Variants in PRKN observed in about 807,000 individuals in gnomAD.
The protein encoded by PRKN is parkin RBR E3 ubiquitin protein ligase, also known as E3 ubiquitin-protein ligase parkin.
A neutral mutation model predicts 59.5 loss-of-function variants in PRKN; 56 were observed. The ratio of observed to expected loss-of-function variants is 0.94; its 90% CI spans 0.76 to 1.18. The LOEUF is 1.18. Among genes scored for constraint, PRKN ranks in the 50% most tolerant of loss-of-function variants. The pLI, the probability that PRKN is intolerant of heterozygous loss-of-function variation, is 0.00. For synonymous variants in PRKN, 250 were observed against 222.1 expected (o/e 1.13, Z -1.12); for missense variants, 657 against 596.4 (o/e 1.10, Z -1.06).
At chr6:161,843,524 G>A (rs1254953073) in intron 6 of PRKN, among the ~76,000 whole-genome samples, 2 of 152,136 alleles carry the variant, frequency 1.3e-5, no homozygotes, top group South Asian at 2.1e-4. Context: ...AGTGGCTCAC[G>A]CCTATAATCC....
intron 6 of PRKN, among the ~76,000 whole-genome samples, chr6:161,813,034 G>A (rs957220571): frequency 2.0e-5 from 3 of 152,328 alleles, no homozygotes; most frequent in Middle Eastern, 3.4e-3. Context: ...TTTTCAGGCA[G>A]GAAGTAACAA....
chr6:161,884,984 A>G (rs1795078527), intron 6 of PRKN, among the ~76,000 whole-genome samples: 1 of 151,990 alleles, frequency 6.6e-6, no homozygotes, highest in African/African-American at 2.4e-5. Flanking sequence ...TACAAAAAAA[A>G]AAAAAATGCT....
Position 161,473,349 on chromosome 6 carries a change from T to C in PRKN, c.1083+75505A>G. Among the ~76,000 whole-genome samples the C allele has an allele frequency of 6.7e-6, 1 of 150,230 alleles. No individual in the cohort carries two copies. Among genetic ancestry groups the C allele is most frequent in the Non-Finnish European group, 1.5e-5 (1 of 67,596 alleles). Reference sequence around the variant, plus strand: ...ATATATATAGATACCTATATATCCATAAATTTATTTATATACATATATATA... The same window carrying C: ...ATATATATAGATACCTATATATCCACAAATTTATTTATATACATATATATA... On this transcript the variant is annotated intron_variant, in intron 9 of 11. Transcript: ENST00000366898. This position sits in a 1 kb window ranked among gnomAD's most constrained non-coding sequence, Gnocchi z 4.1.
rs757232403 is a variant in PRKN, at chr6:161,361,602, C to T, written c.1168-1397G>A. ...ATGGGCAGGGCACATGGGTGGTATC[C>T]CTGACAGTGGTGGGGGCACCACAGA... On this transcript the variant is annotated intron_variant, in intron 10 of 11. Coordinates refer to ENST00000366898, the MANE Select transcript of PRKN (RefSeq NM_004562.3). The surrounding 1 kb of genome is among the most constrained non-coding windows in gnomAD (Gnocchi z 5.2). 1.3e-5 allele frequency among the ~76,000 whole-genome samples: 2 copies of T among 152,148 alleles called. No homozygotes were observed. The highest frequency in any genetic ancestry group is 2.4e-5 in the African/African-American group (1 of 41,420).
intron 2 of PRKN, among the ~76,000 whole-genome samples, chr6:162,339,709 G>C (rs1784072352): frequency 6.6e-6 from 1 of 152,152 alleles, no homozygotes; most frequent in Non-Finnish European, 1.5e-5. Context: ...GGGGAAGGGT[G>C]GGAAAAGATT....
chr6:162,032,223 G>A (rs1229212673), intron 5 of PRKN, among the ~76,000 whole-genome samples: 1 of 152,046 alleles, frequency 6.6e-6, no homozygotes, highest in Non-Finnish European at 1.5e-5. Context: ...TTGCATAAAT[G>A]TATTTCTGCT....
intron 5 of PRKN, among the ~76,000 whole-genome samples, chr6:162,025,177 G>A (rs1783380953): frequency 1.3e-5 from 2 of 151,756 alleles, no homozygotes; most frequent in African/African-American, 2.4e-5. Context: ...CACCACGCCT[G>A]GCTAATTTTT....
chr6:161,523,487 T>C (rs915791238), intron 9 of PRKN, among the ~76,000 whole-genome samples: 1 of 152,186 alleles, frequency 6.6e-6, no homozygotes, highest in Non-Finnish European at 1.5e-5. Context: ...TCACAGACAA[T>C]GGCGATTCAT....
intron 6 of PRKN, among the ~76,000 whole-genome samples, chr6:161,961,182 G>C (rs1780363028): frequency 6.6e-6 from 1 of 152,142 alleles, no homozygotes; most frequent in African/African-American, 2.4e-5. Flanking sequence ...GTGCAGTCTG[G>C]AACACCACAA....
At chr6:161,696,180 G>T (rs1175181491) in intron 7 of PRKN, among the ~76,000 whole-genome samples, 1 of 152,150 alleles carries the variant, frequency 6.6e-6, no homozygotes, top group Non-Finnish European at 1.5e-5. Context: ...GCTTGGAAAT[G>T]GTAAGCATTA....
chr6:162,448,282 T>C (rs1310663182), intron 1 of PRKN, among the ~76,000 whole-genome samples: 1 of 152,150 alleles, frequency 6.6e-6, no homozygotes, highest in Non-Finnish European at 1.5e-5. Flanking sequence ...TCACTAAATC[T>C]AGTATTCCCT....
chr6:162,157,532 T>C (rs1251661461), intron 4 of PRKN, among the ~76,000 whole-genome samples: 1 of 152,168 alleles, frequency 6.6e-6, no homozygotes, highest in Non-Finnish European at 1.5e-5. Flanking sequence ...CAACTGGTAC[T>C]GCAAGACCAG....
chr6:162,582,271 A>G (rs1027932607), intron 1 of PRKN, among the ~76,000 whole-genome samples: 1 of 152,232 alleles, frequency 6.6e-6, no homozygotes, highest in Non-Finnish European at 1.5e-5. Context: ...TATAGATCCT[A>G]AAATGTATAA....
Position 162,178,971 on chromosome 6 carries a change from G to C in PRKN, c.534+22160C>G, listed in dbSNP as rs902007393. 2.0e-5 allele frequency among the ~76,000 whole-genome samples: 3 copies of C among 152,042 alleles called. 1 individual carries two copies. Among genetic ancestry groups the C allele is most frequent in the Admixed American group, 1.3e-4 (2 of 15,272 alleles). On this transcript the variant is annotated intron_variant, in intron 4 of 11. Transcript: ENST00000366898. ...GCAGCAGCCTCAAACTCCTGGCCTCGAGCGATCCTCCCACCTTTGCCTCTT... is the reference window on the plus strand; with the variant it reads ...GCAGCAGCCTCAAACTCCTGGCCTCCAGCGATCCTCCCACCTTTGCCTCTT...
intron 2 of PRKN, among the ~76,000 whole-genome samples, chr6:162,430,637 T>C (rs1010930596): frequency 4.6e-5 from 7 of 152,282 alleles, no homozygotes; most frequent in East Asian, 1.9e-4. Flanking sequence ...ATGGACTGTA[T>C]GGCTCTCTAA....
intron 2 of PRKN, among the ~76,000 whole-genome samples, chr6:162,315,543 T>C (rs1782720437): frequency 6.6e-6 from 1 of 152,184 alleles, no homozygotes; most frequent in African/African-American, 2.4e-5. Flanking sequence ...TAACTGGTTG[T>C]CTTGTGTTTT....
intron 6 of PRKN, among the ~76,000 whole-genome samples, chr6:161,952,359 T>G (rs1780021892): frequency 6.6e-6 from 1 of 152,160 alleles, no homozygotes; most frequent in African/African-American, 2.4e-5. Context: ...GGCTCATGCC[T>G]GTAATCCCAG....
At chr6:162,690,716 T>C (rs1038483556) in intron 1 of PRKN, among the ~76,000 whole-genome samples, 11 of 152,160 alleles carry the variant, frequency 7.2e-5, no homozygotes, top group African/African-American at 2.7e-4. Flanking sequence ...CATTTTCCTC[T>C]CGTACTAGAA....
rs1009130235 is a variant in PRKN at position 161,475,430 on chromosome 6, C to T, written c.1083+73424G>A. The stretch of plus-strand genomic sequence containing the variant: ...AAACTCAGCAAAAATGTTCTTTGCA[C>T]TGGTATTTCTTTAAACAATAAAGTT... On this transcript the variant is annotated intron_variant, in intron 9 of 11. Transcript: ENST00000366898. This position sits in a 1 kb window ranked among gnomAD's most constrained non-coding sequence, Gnocchi z 5.3. Among the ~76,000 whole-genome samples the T allele has an allele frequency of 5.9e-5, 9 of 152,194 alleles. No individual in the cohort carries two copies. Among genetic ancestry groups the T allele is most frequent in the African/African-American group, 2.2e-4 (9 of 41,440 alleles).
Sources: allele counts gnomAD v4.1 joint callset (sites outside exome capture counted in the v4.1 genomes callset), GRCh38; gene constraint gnomAD v4.1.1; non-coding constraint Gnocchi (gnomAD v3.1); transcripts MANE v1.5; gene names NCBI Gene and HGNC (gene_info 2026-07-23, HGNC 2026-07-21).